Variants in MAST2 observed in about 807,000 individuals in gnomAD.
MAST2 encodes microtubule associated serine/threonine kinase 2, also known as microtubule-associated serine/threonine-protein kinase 2.
Under a neutral mutation model 147.4 loss-of-function variants are expected in MAST2, and 70 were observed. The observed-to-expected ratio is 0.47, with a 90% confidence interval of 0.39 to 0.58. The LOEUF (loss-of-function observed/expected upper bound fraction) is 0.58, where lower values mean the gene tolerates loss of function less well. MAST2 is among the 20% of genes least tolerant of loss of function. The pLI, the probability that MAST2 is intolerant of heterozygous loss-of-function variation, is 0.00. For missense variants in MAST2, 2,080 were observed against 2,302.3 expected (o/e 0.90, Z 1.98); for synonymous variants, 869 against 896.8 (o/e 0.97, Z 0.55).
At chr1:45,936,732 C>T (rs1379750170) in intron 4 of MAST2, among the ~76,000 whole-genome samples, 1 of 152,110 alleles carries the variant, frequency 6.6e-6, no homozygotes, top group Non-Finnish European at 1.5e-5. Flanking sequence ...ACATCCCAGG[C>T]CAGGTACCTC....
At chr1:46,012,458 AG>A (rs1325747472) in intron 10 of MAST2, among the ~76,000 whole-genome samples, 1 of 152,218 alleles carries the variant, frequency 6.6e-6, no homozygotes. Flanking sequence ...GCTCTATCTT[AG>A]GGAATTTGCC....
intron 4 of MAST2, among the ~76,000 whole-genome samples, chr1:45,912,021 A>G (rs941631249): frequency 6.6e-6 from 1 of 152,030 alleles, no homozygotes; most frequent in Non-Finnish European, 1.5e-5. Flanking sequence ...GCTTTTGGCA[A>G]CTGACCCTGA....
chr1:45,877,702 A>G (rs999677184), intron 3 of MAST2, among the ~76,000 whole-genome samples: 3 of 152,214 alleles, frequency 2.0e-5, no homozygotes, highest in African/African-American at 7.2e-5. Context: ...TATTTAAGGA[A>G]GAAATAACAC....
In MAST2 at chr1:46,033,438, TAA is replaced by T. The variant is rs140010156; in HGVS notation, c.3538-349_3538-348del. Among the ~76,000 whole-genome samples, 947 of 137,140 alleles carry T rather than the reference TAA, an allele frequency of 6.9e-3. 11 individuals are homozygous for T. Among genetic ancestry groups the T allele is most frequent in the African/African-American group, 0.023 (873 of 37,306 alleles). 90.0% of individuals were successfully genotyped at this position (137,140 alleles called of 152,430 possible). ...TGGGTGACAGAGTGAGACTCTGTCT[TAA>T]AAAAAAAAAAAAAAGATGTAGGTAC... On this transcript the variant is annotated intron_variant, in intron 26 of 28. Transcript: ENST00000361297.
chr1:45,869,876 T>C (rs1289211637), intron 3 of MAST2, among the ~76,000 whole-genome samples: 1 of 152,072 alleles, frequency 6.6e-6, no homozygotes, highest in African/African-American at 2.4e-5. Flanking sequence ...CCTTTCCTTT[T>C]TCTAAAGTCT....
In MAST2 at chr1:45,931,627, C is replaced by A. The variant is rs562759211; in HGVS notation, c.501-27759C>A. On this transcript the variant is annotated intron_variant, in intron 4 of 28. Transcript: ENST00000361297. ...GTCTCAGCATCCTGAGTAGCTGGGA[C>A]TACAGGCGCCCGCCACCACACCTGG... Among the ~76,000 whole-genome samples the A allele has an allele frequency of 1.5e-3, 231 of 151,940 alleles. 3 individuals carry two copies. The highest frequency in any genetic ancestry group is 5.4e-3 in the African/African-American group (225 of 41,454).
chr1:45,868,153 G>C (rs910593356), intron 3 of MAST2, among the ~76,000 whole-genome samples: 22 of 152,230 alleles, frequency 1.4e-4, no homozygotes, highest in African/African-American at 5.1e-4. Context: ...TGTTCAAGTT[G>C]GGTCTTTTTT....
intron 9 of MAST2, among the ~76,000 whole-genome samples, chr1:46,010,184 A>G (rs1327784597): frequency 6.6e-6 from 1 of 152,238 alleles, no homozygotes; most frequent in East Asian, 1.9e-4. Context: ...TCTCTCACTT[A>G]ACAAACTTCC....
At chr1:45,985,195 A>C (rs779982006) in intron 5 of MAST2, among the ~76,000 whole-genome samples, 1 of 149,738 alleles carries the variant, frequency 6.7e-6, no homozygotes, top group Admixed American at 6.6e-5. Flanking sequence ...CTCAACCTCA[A>C]CCTCCTGAGA....
At chr1:45,845,987 C>G (rs1291360439) in intron 3 of MAST2, among the ~76,000 whole-genome samples, 1 of 152,136 alleles carries the variant, frequency 6.6e-6, no homozygotes, top group Non-Finnish European at 1.5e-5. Context: ...GTCTCGAACT[C>G]CTGACCTTGT....
chr1:45,994,183 A>G (rs537954690), intron 5 of MAST2, among the ~76,000 whole-genome samples: 5 of 151,668 alleles, frequency 3.3e-5, no homozygotes, highest in Admixed American at 2.0e-4. Context: ...CTCATTGGCC[A>G]TATGACTGAA....
chr1:45,869,049 C>T (rs753087978), intron 3 of MAST2, among the ~76,000 whole-genome samples: 15 of 152,070 alleles, frequency 9.9e-5, no homozygotes, highest in Non-Finnish European at 2.2e-4. Flanking sequence ...TCATGTATTC[C>T]TATTCTATGT....
intron 3 of MAST2, among the ~76,000 whole-genome samples, chr1:45,855,677 A>G (rs1470765286): frequency 1.3e-5 from 2 of 152,114 alleles, no homozygotes; most frequent in African/African-American, 2.4e-5. Flanking sequence ...GTATATAGAA[A>G]TATGGTTGGT....
At chr1:45,844,428 G>T (rs148950202) in intron 3 of MAST2, among the ~76,000 whole-genome samples, 1 of 151,944 alleles carries the variant, frequency 6.6e-6, no homozygotes, top group Non-Finnish European at 1.5e-5. Flanking sequence ...GATTACAGGC[G>T]CCTGCCACCA....
At chr1:45,967,529 A>G (rs1345331621) in intron 5 of MAST2, among the ~76,000 whole-genome samples, 4 of 152,244 alleles carry the variant, frequency 2.6e-5, no homozygotes, top group Non-Finnish European at 5.9e-5. Context: ...AAAATTTGTT[A>G]AGAAAATCAC....
chr1:45,973,753 A>G (rs1251891697), intron 5 of MAST2, among the ~76,000 whole-genome samples: 2 of 152,192 alleles, frequency 1.3e-5, no homozygotes. Context: ...AAACCACATA[A>G]AAAGAGTATT....
Position 46,035,792 on chromosome 1 carries a change from C to G in MAST2, c.5123C>G (p.Pro1708Arg). The change falls in exon 29 of 29, where the codon CCT becomes CGT. Residue 1708 changes from proline to arginine, a missense_variant. Coordinates refer to ENST00000361297, the MANE Select transcript of MAST2 (RefSeq NM_015112.3). This position sits in a 1 kb window ranked among gnomAD's most constrained non-coding sequence, Gnocchi z 5.5. ...SPREQGKTQP[P>R]SAPRLAHPSY... ...AGGGAGCAGGGGAAGACACAGCCAC[C>G]TAGTGCCCCCAGACTGGCCCATCCA... The G allele has an allele frequency of 1.2e-6, 2 of 1,614,136 alleles. No homozygotes were observed. Among genetic ancestry groups the G allele is most frequent in the Non-Finnish European group, 1.7e-6 (2 of 1,180,030 alleles).
At chr1:46,004,224 C>T (rs989343694) in intron 7 of MAST2, among the ~76,000 whole-genome samples, 8 of 151,808 alleles carry the variant, frequency 5.3e-5, no homozygotes, top group East Asian at 1.9e-4. Flanking sequence ...ATTAGCTGGG[C>T]GTGGTGGTGG....
chr1:45,823,199 T>C (rs541881985), intron 1 of MAST2, among the ~76,000 whole-genome samples: 47 of 152,038 alleles, frequency 3.1e-4, no homozygotes, highest in Admixed American at 1.0e-3. Context: ...TATAGAATTT[T>C]TTTCTTTTTT....
Sources: gnomAD v4.1 joint callset for allele counts (sites outside exome capture counted in the v4.1 genomes callset) on GRCh38, gnomAD v4.1.1 for gene constraint, Gnocchi (gnomAD v3.1) non-coding constraint, MANE v1.5 for transcripts, NCBI Gene and HGNC (gene_info 2026-07-23, HGNC 2026-07-21) for gene names.